The following TENM1 variants were observed in gnomAD, a reference collection of about 807,000 sequenced individuals.
TENM1 encodes teneurin-1.
TENM1 carries 35 observed loss-of-function variants against 174.8 expected under a neutral mutation model. That is an observed-to-expected ratio of 0.20 (90% CI 0.15 to 0.27). The LOEUF (loss-of-function observed/expected upper bound fraction) is 0.27, where lower values mean the gene tolerates loss of function less well. Among genes scored for constraint, TENM1 ranks in the 10% least tolerant of loss-of-function variants. The pLI is 1.00. For missense variants in TENM1, 1,633 were observed against 2,130.1 expected (o/e 0.77, Z 4.59); for synonymous variants, 781 against 798.7 (o/e 0.98, Z 0.37).
rs1478297841 is a variant in TENM1 at position 124,557,795 on chromosome X, G to A, written c.2434+3876C>T. Among the ~76,000 whole-genome samples, 7 of 111,533 alleles carry A rather than the reference G, an allele frequency of 6.3e-5. No individual in the cohort carries two copies. The Admixed American group carries it at 6.7e-4, about 11-fold the overall frequency. On this transcript the variant is annotated intron_variant, in intron 14 of 31. Coordinates refer to ENST00000422452, the Ensembl canonical transcript of TENM1. ...TCTGATAGTTCTATCTTTCACTATTGTTTGTTTTAGCTATTCTGACTCAGT... is the reference window on the plus strand; with the variant it reads ...TCTGATAGTTCTATCTTTCACTATTATTTGTTTTAGCTATTCTGACTCAGT...
chrX:125,161,624 G>A, the TENM1 span, among the ~76,000 whole-genome samples: 1 of 111,972 alleles, frequency 8.9e-6, no homozygotes, highest in Non-Finnish European at 1.9e-5. Context: ...GTGTTTGCCA[G>A]GGATTGGGGA....
At chrX:124,551,067 G>A (rs1018846815) in intron 14 of TENM1, among the ~76,000 whole-genome samples, 1 of 112,741 alleles carries the variant, frequency 8.9e-6, no homozygotes, top group African/African-American at 3.2e-5. Flanking sequence ...CCCTGCTTTG[G>A]CTCTAAGCTT....
At chrX:124,840,131 C>A (rs1368090558) in intron 3 of TENM1, among the ~76,000 whole-genome samples, 1 of 111,739 alleles carries the variant, frequency 8.9e-6, no homozygotes, top group African/African-American at 3.2e-5. Flanking sequence ...TTAAAATATA[C>A]TTCTTTTCTT....
intron 22 of TENM1, among the ~76,000 whole-genome samples, chrX:124,476,845 C>T (rs989908339): frequency 1.8e-5 from 2 of 112,584 alleles, no homozygotes; most frequent in African/African-American, 3.2e-5. Context: ...ATCATCCATG[C>T]ATGTTTTAAA....
intron 6 of TENM1, among the ~76,000 whole-genome samples, chrX:124,658,422 A>G (rs1046982701): frequency 4.5e-5 from 5 of 111,640 alleles, no homozygotes; most frequent in Non-Finnish European, 9.4e-5. Context: ...TGTTGATAGT[A>G]ATTTTGATAA....
At chrX:124,809,542 A>G (rs1457161011) in intron 3 of TENM1, among the ~76,000 whole-genome samples, 1 of 111,716 alleles carries the variant, frequency 9.0e-6, no homozygotes, top group Non-Finnish European at 1.9e-5. Context: ...AATCAGTTAA[A>G]TTTGATACAT....
rs180688583 is a variant in TENM1, at chrX:124,408,028, C to T, written c.4983-1539G>A. On this transcript the variant is annotated intron_variant, in intron 25 of 31. Coordinates refer to ENST00000422452, the Ensembl canonical transcript of TENM1. ...TGCCTGCTGTGGGGCTCTATAGCTACAAGAAGCAGAAGAACGGAGCATAGG... is the reference window on the plus strand; with the variant it reads ...TGCCTGCTGTGGGGCTCTATAGCTATAAGAAGCAGAAGAACGGAGCATAGG... Among the ~76,000 whole-genome samples the T allele has an allele frequency of 1.3e-3, 151 of 111,936 alleles. 1 individual carries two copies. Among genetic ancestry groups the T allele is most frequent in the African/African-American group, 4.7e-3 (146 of 30,814 alleles).
chrX:124,801,960 T>C (rs1192957174), intron 3 of TENM1, among the ~76,000 whole-genome samples: 1 of 112,025 alleles, frequency 8.9e-6, no homozygotes, highest in African/African-American at 3.3e-5. Flanking sequence ...GGTTCATTGT[T>C]AGTCTGATAG....
chrX:124,783,595 C>CA (rs2147180814), intron 3 of TENM1, among the ~76,000 whole-genome samples: 1 of 110,913 alleles, frequency 9.0e-6, no homozygotes, highest in African/African-American at 3.3e-5. Context: ...AATCACTAGA[C>CA]AAAATTCAAT....
chrX:124,479,833 T>C (rs1398660763), intron 22 of TENM1, among the ~76,000 whole-genome samples: 3 of 111,882 alleles, frequency 2.7e-5, no homozygotes, highest in Non-Finnish European at 5.6e-5. Context: ...CCCAGCCTAA[T>C]GTATTTTCTT....
At chrX:124,502,290 G>C (rs773171776) in intron 19 of TENM1, among the ~76,000 whole-genome samples, 19 of 111,274 alleles carry the variant, frequency 1.7e-4, no homozygotes, top group South Asian at 3.7e-4. Flanking sequence ...AAATCAGGGG[G>C]CCCCCCCCAA....
At chrX:124,553,871 G>A (rs757674259) in intron 14 of TENM1, among the ~76,000 whole-genome samples, 7 of 111,692 alleles carry the variant, frequency 6.3e-5, no homozygotes, top group Non-Finnish European at 1.1e-4. Flanking sequence ...TTGGGAGGCC[G>A]AGGCAGGCAG....
At chrX:124,694,492 C>T (rs2052603441) in intron 5 of TENM1, among the ~76,000 whole-genome samples, 1 of 111,620 alleles carries the variant, frequency 9.0e-6, no homozygotes, top group Admixed American at 9.5e-5. Context: ...TTACTTGCTT[C>T]CCTTCTGCAT....
At chrX:124,868,548 C>T (rs1339019352) in intron 3 of TENM1, among the ~76,000 whole-genome samples, 1 of 111,403 alleles carries the variant, frequency 9.0e-6, no homozygotes, top group Non-Finnish European at 1.9e-5. Context: ...ATTGGGGAAA[C>T]TCTCCAGGAT....
In TENM1 at chrX:124,727,214, T is replaced by A. The variant is rs188094133; in HGVS notation, c.776+9743A>T. Among the ~76,000 whole-genome samples, 382 of 112,464 alleles carry A rather than the reference T, an allele frequency of 3.4e-3. 1 individual carries two copies. Among genetic ancestry groups the A allele is most frequent in the African/African-American group, 0.01 (311 of 30,961 alleles). On this transcript the variant is annotated intron_variant, in intron 4 of 31. Transcript: ENST00000422452. ...GATTTGTCTTTGTGAACTGAAGTGGTCATGTTAATCCCAACACCAGGTTTT... is the reference window on the plus strand; with the variant it reads ...GATTTGTCTTTGTGAACTGAAGTGGACATGTTAATCCCAACACCAGGTTTT...
the TENM1 span, among the ~76,000 whole-genome samples, chrX:124,996,552 CACA>C: frequency 0.025 from 1,823 of 72,522 alleles, 58 homozygotes; most frequent in African/African-American, 0.12. Context: ...AAAAAAACCA[CACA>C]CACACACACA....
At chrX:124,850,777 A>G (rs1345311830) in intron 3 of TENM1, among the ~76,000 whole-genome samples, 1 of 111,302 alleles carries the variant, frequency 9.0e-6, no homozygotes, top group Non-Finnish European at 1.9e-5. Flanking sequence ...AATAGAAGAA[A>G]AAAAAACAAG....
chrX:124,631,160 T>A (rs187161547), intron 11 of TENM1, among the ~76,000 whole-genome samples: 52 of 111,842 alleles, frequency 4.6e-4, no homozygotes, highest in Non-Finnish European at 7.9e-4. Context: ...TATGCTGTAT[T>A]TATCAGATAC....
chrX:124,399,574 A>T (rs757466247), intron 27 of TENM1, among the ~76,000 whole-genome samples: 14 of 112,666 alleles, frequency 1.2e-4, no homozygotes, highest in African/African-American at 4.5e-4. Flanking sequence ...ACAGATATTT[A>T]AAATTTTTTT....
Sources: gnomAD v4.1 joint callset for allele counts (sites outside exome capture counted in the v4.1 genomes callset) on GRCh38, gnomAD v4.1.1 for gene constraint, MANE v1.5 for transcripts, NCBI Gene and HGNC (gene_info 2026-07-23, HGNC 2026-07-21) for gene names.